The following GATA4 variants were observed in gnomAD, a reference collection of about 807,000 sequenced individuals.
GATA4 encodes the protein transcription factor GATA-4.
Under a neutral mutation model 37.9 loss-of-function variants are expected in GATA4, and 7 were observed. That is an observed-to-expected ratio of 0.18 (90% CI 0.11 to 0.35). The LOEUF is 0.35. GATA4 is among the 10% of genes least tolerant of loss of function. The probability of loss-of-function intolerance (pLI) is 1.00; values close to 1 mark genes in which losing one functional copy is unlikely to be tolerated. For synonymous variants in GATA4, 372 were observed against 292.6 expected, an observed-to-expected ratio of 1.27 and a Z score of -2.77; for missense variants, 647 against 653.0, an observed-to-expected ratio of 0.99 and a Z score of 0.10.
intron 2 of GATA4, among the ~76,000 whole-genome samples, chr8:11,717,633 A>G (rs1447697399): frequency 6.6e-6 from 1 of 152,194 alleles, no homozygotes; most frequent in Non-Finnish European, 1.5e-5. Context: ...ACCAGAAGCT[A>G]TGTGTGATTG....
At chr8:11,733,412 A>G (rs1405327083) in intron 2 of GATA4, among the ~76,000 whole-genome samples, 2 of 152,354 alleles carry the variant, frequency 1.3e-5, no homozygotes, top group South Asian at 4.1e-4. Context: ...CTAGAGACAC[A>G]CTGGCACGGA....
chr8:11,744,430 C>T (rs945407557), intron 2 of GATA4, among the ~76,000 whole-genome samples: 1 of 152,156 alleles, frequency 6.6e-6, no homozygotes, highest in African/African-American at 2.4e-5. Context: ...GATGCCAGCA[C>T]TGGGTGGGAG....
At chr8:11,732,631 C>G (rs140045262) in intron 2 of GATA4, among the ~76,000 whole-genome samples, 1 of 152,078 alleles carries the variant, frequency 6.6e-6, no homozygotes, top group Non-Finnish European at 1.5e-5. Flanking sequence ...CAGGTGAACC[C>G]GAGTCTGGAG....
chr8:11,697,719 C>T, intron 1 of GATA4: 1 of 985,476 alleles, frequency 1.0e-6, no homozygotes, highest in Non-Finnish European at 1.2e-6. Context: ...GCTTCCTTGA[C>T]ACTTTCCTGT....
intron 4 of GATA4, among the ~76,000 whole-genome samples, chr8:11,752,019 C>G (rs1802328069): frequency 6.6e-6 from 1 of 152,066 alleles, no homozygotes; most frequent in African/African-American, 2.4e-5. Context: ...GTGGCAAAAA[C>G]TAGAAACAAC....
rs1229035049 is a variant in GATA4, at chr8:11,708,845, C to T, written c.533C>T (p.Ala178Val). The T allele has an allele frequency of 1.3e-6, 2 of 1,498,662 alleles. No individual in the cohort carries two copies. Among genetic ancestry groups the T allele is most frequent in the Non-Finnish European group, 1.8e-6 (2 of 1,131,810 alleles). The allele number at this position is 1,498,662 out of a possible 1,614,324, so 92.8% of individuals were successfully genotyped here. A position where few individuals can be genotyped will look rare whatever the true frequency, so the allele number is the denominator to read the frequency against. ...GGCGCGTCCTGGGCCGCAGCCGCCGCCGCCTCCGCCGGCCCCTTCGACAGC... is the reference window on the plus strand; with the variant it reads ...GGCGCGTCCTGGGCCGCAGCCGCCGTCGCCTCCGCCGGCCCCTTCGACAGC... ...DVGASWAAAAAASAGPFDSPV... is the reference protein window; with the variant it reads ...DVGASWAAAAVASAGPFDSPV... The change falls in exon 2 of 7, where the codon GCC becomes GTC. Residue 178 changes from alanine (A) to valine (V), a missense_variant. Ala to Val is a moderately conservative substitution (Grantham distance 64). Transcript: ENST00000532059. The surrounding 1 kb of genome is among the most constrained non-coding windows in gnomAD (Gnocchi z 6.7).
intron 1 of GATA4, among the ~76,000 whole-genome samples, chr8:11,681,709 CAA>C (rs1361481865): frequency 1.3e-5 from 2 of 152,132 alleles, no homozygotes; most frequent in African/African-American, 2.4e-5. Flanking sequence ...AATTCTGTTG[CAA>C]AGTTTCCTTT....
intron 1 of GATA4, among the ~76,000 whole-genome samples, chr8:11,679,807 G>A (rs1261096764): frequency 6.6e-6 from 1 of 152,236 alleles, no homozygotes; most frequent in Non-Finnish European, 1.5e-5. Flanking sequence ...TAATGGAAAC[G>A]CAGAAGCCTC....
upstream of GATA4, among the ~76,000 whole-genome samples, chr8:11,701,951 C>T (rs1238157039): frequency 6.6e-6 from 1 of 152,200 alleles, no homozygotes; most frequent in Non-Finnish European, 1.5e-5. Flanking sequence ...CCAGCAAAAG[C>T]AGGCGTTCCC....
upstream of GATA4, among the ~76,000 whole-genome samples, chr8:11,701,848 G>A (rs1189140954): frequency 6.6e-6 from 1 of 151,978 alleles, no homozygotes; most frequent in Non-Finnish European, 1.5e-5. Context: ...TAAAGGACCG[G>A]GGTGGTGGGG....
intron 2 of GATA4, among the ~76,000 whole-genome samples, chr8:11,746,069 C>A (rs1345145019): frequency 6.6e-6 from 1 of 152,066 alleles, no homozygotes; most frequent in Non-Finnish European, 1.5e-5. Flanking sequence ...CACTTGAACC[C>A]AGGAATTTGA....
chr8:11,677,318 C>T (rs1164963617), intron 1 of GATA4, among the ~76,000 whole-genome samples: 1 of 152,180 alleles, frequency 6.6e-6, no homozygotes, highest in Non-Finnish European at 1.5e-5. Context: ...GGCTTCCTTC[C>T]CACTTTCTTT....
intron 2 of GATA4, among the ~76,000 whole-genome samples, chr8:11,725,235 G>T (rs999786605): frequency 3.3e-5 from 5 of 152,270 alleles, no homozygotes; most frequent in African/African-American, 9.6e-5. Context: ...ATCCTCCCCA[G>T]CAGGGACTTA....
chr8:11,756,679 T>C, intron 5 of GATA4: 1 of 561,460 alleles, frequency 1.8e-6, no homozygotes, highest in Non-Finnish European at 3.2e-6. Flanking sequence ...AATCTTCAAG[T>C]TGAATGAGGA....
chr8:11,678,568 C>G (rs1237878825), intron 1 of GATA4, among the ~76,000 whole-genome samples: 6 of 152,172 alleles, frequency 3.9e-5, no homozygotes, highest in African/African-American at 1.4e-4. Flanking sequence ...ACGGGCCAAT[C>G]TGAGTTAAGG....
At chr8:11,682,825 G>C (rs754664490) in intron 1 of GATA4, among the ~76,000 whole-genome samples, 5 of 152,222 alleles carry the variant, frequency 3.3e-5, no homozygotes, top group African/African-American at 7.2e-5. Context: ...TGGGGAGGGA[G>C]TGTGGTCCAA....
chr8:11,683,072 A>T, intron 1 of GATA4: 1 of 985,276 alleles, frequency 1.0e-6, no homozygotes, highest in Non-Finnish European at 1.2e-6. Context: ...CTTACCCCCT[A>T]GGTTTTCCCA....
chr8:11,756,697 T>G (rs1399664158), intron 5 of GATA4: 2 of 586,460 alleles, frequency 3.4e-6, no homozygotes, highest in Non-Finnish European at 6.1e-6. Flanking sequence ...GGAAGAATCT[T>G]TTTTTAAAAA....
intron 1 of GATA4, chr8:11,680,497 G>C (rs1798923327): frequency 6.1e-6 from 6 of 985,464 alleles, no homozygotes; most frequent in Non-Finnish European, 7.2e-6. Context: ...CGATCAATCT[G>C]GCGCCACATG....
Sources: allele counts gnomAD v4.1 joint callset (sites outside exome capture counted in the v4.1 genomes callset), GRCh38; gene constraint gnomAD v4.1.1; non-coding constraint Gnocchi (gnomAD v3.1); transcripts MANE v1.5; gene names NCBI Gene and HGNC (gene_info 2026-07-23, HGNC 2026-07-21).